The following ATXN10 variants were observed in gnomAD, a reference collection of about 807,000 sequenced individuals.
ATXN10 encodes ataxin-10.
ATXN10 carries 28 observed loss-of-function variants against 52.9 expected under a neutral mutation model. The ratio of observed to expected loss-of-function variants is 0.53; its 90% confidence interval spans 0.39 to 0.73. The LOEUF (loss-of-function observed/expected upper bound fraction) is 0.73. Among genes scored for constraint, ATXN10 ranks in the 30% least tolerant of loss-of-function variants. The probability of loss-of-function intolerance (pLI) is 0.00; values close to 1 mark genes in which losing one functional copy is unlikely to be tolerated. For missense variants in ATXN10, 565 were observed against 577.0 expected (o/e 0.98, Z 0.21); for synonymous variants, 226 against 221.5 (o/e 1.02, Z -0.18).
intron 10 of ATXN10, among the ~76,000 whole-genome samples, chr22:45,810,289 A>G (rs1928238969): frequency 6.6e-6 from 1 of 152,222 alleles, no homozygotes; most frequent in Admixed American, 6.5e-5. Context: ...CTGCATCAGT[A>G]TGATGGTCTT....
chr22:45,723,703 C>T (rs1282279522), intron 6 of ATXN10, among the ~76,000 whole-genome samples: 1 of 152,128 alleles, frequency 6.6e-6, no homozygotes, highest in Non-Finnish European at 1.5e-5. Flanking sequence ...CACCTGTAAT[C>T]CCAGCACTTT....
At chr22:45,813,807 A>G (rs1426466018) in intron 10 of ATXN10, among the ~76,000 whole-genome samples, 1 of 152,218 alleles carries the variant, frequency 6.6e-6, no homozygotes, top group Admixed American at 6.5e-5. Flanking sequence ...CAAATATCCT[A>G]TGTAGCTATT....
At chr22:45,707,151 A>T (rs1924074378) in intron 5 of ATXN10, among the ~76,000 whole-genome samples, 1 of 152,092 alleles carries the variant, frequency 6.6e-6, no homozygotes, top group Non-Finnish European at 1.5e-5. Flanking sequence ...CCTGTTTTTT[A>T]AAAAATCTAT....
intron 10 of ATXN10, among the ~76,000 whole-genome samples, chr22:45,834,986 A>G (rs1230608698): frequency 6.6e-6 from 1 of 152,174 alleles, no homozygotes; most frequent in Non-Finnish European, 1.5e-5. Context: ...CCTGTGTGTG[A>G]TGGGGCTGCC....
rs1929136852 is a variant in ATXN10 at position 45,835,482 on chromosome 22, G to A, written c.1238-7509G>A. Among the ~76,000 whole-genome samples, 1 of 152,184 alleles carries A rather than the reference G, an allele frequency of 6.6e-6. No homozygotes were observed. The highest frequency in any genetic ancestry group is 2.4e-5 in the African/African-American group (1 of 41,460). ...TCTCCCCTCTCCCTTTGCAATTTAT[G>A]GAAAGTACATTGTGCCAAGCAAGGA... On this transcript the variant is annotated intron_variant, in intron 10 of 11. Transcript: ENST00000252934. This position sits in a 1 kb window ranked among gnomAD's most constrained non-coding sequence, Gnocchi z 5.0.
chr22:45,807,662 A>G (rs1053579586), intron 10 of ATXN10, among the ~76,000 whole-genome samples: 5 of 152,184 alleles, frequency 3.3e-5, no homozygotes, highest in Non-Finnish European at 5.9e-5. Context: ...GTACTATACA[A>G]AACTGTACAG....
chr22:45,776,818 T>C lies in ATXN10; in HGVS notation c.1174-30141T>C, dbSNP rs763752373. 2.7e-4 allele frequency among the ~76,000 whole-genome samples: 41 copies of C among 152,218 alleles called. 1 individual carries two copies. The highest frequency in any genetic ancestry group is 4.1e-4 in the South Asian group (2 of 4,830). On this transcript the variant is annotated intron_variant, in intron 9 of 11. Coordinates refer to ENST00000252934, the MANE Select transcript of ATXN10 (RefSeq NM_013236.4). ...TGCTGCTGCCAGTTTTTTTAAGCAT[T>C]GGTATTCTAATTAAATTATGTTTTT...
chr22:45,814,934 A>G (rs1327711730), intron 10 of ATXN10, among the ~76,000 whole-genome samples: 1 of 152,216 alleles, frequency 6.6e-6, no homozygotes, highest in African/African-American at 2.4e-5. Context: ...GAACAGTTTC[A>G]TCTGAAACCA....
chr22:45,756,166 G>C (rs1416079800), intron 9 of ATXN10, among the ~76,000 whole-genome samples: 1 of 151,842 alleles, frequency 6.6e-6, no homozygotes, highest in East Asian at 1.9e-4. Context: ...TTTTTAAAGA[G>C]ACAAGGTTGT....
chr22:45,742,028 A>G (rs576221316), intron 9 of ATXN10, among the ~76,000 whole-genome samples: 1 of 152,220 alleles, frequency 6.6e-6, no homozygotes, highest in South Asian at 2.1e-4. Flanking sequence ...TCTGGGTGTC[A>G]GCTACCTAAA....
rs1239502133 is a variant in ATXN10 at position 45,818,557 on chromosome 22, T to C, written c.1237+11535T>C. Among the ~76,000 whole-genome samples the C allele has an allele frequency of 6.6e-6, 1 of 152,162 alleles. No individual in the cohort carries two copies. On this transcript the variant is annotated intron_variant, in intron 10 of 11. Coordinates refer to ENST00000252934, the MANE Select transcript of ATXN10 (RefSeq NM_013236.4). This position sits in a 1 kb window ranked among gnomAD's most constrained non-coding sequence, Gnocchi z 4.6. ...CAGTGTGAGCCATGTGGGCGGTCCT[T>C]TTTGGTTTGAAGGTGACCACCCTCG...
chr22:45,725,392 A>C (rs1277476800), intron 6 of ATXN10, among the ~76,000 whole-genome samples: 1 of 145,302 alleles, frequency 6.9e-6, no homozygotes, highest in Non-Finnish European at 1.5e-5. Flanking sequence ...ATATATTTCC[A>C]GGCATTTGAT....
chr22:45,791,642 GTAT>G (rs1349098576), intron 9 of ATXN10, among the ~76,000 whole-genome samples: 1 of 152,148 alleles, frequency 6.6e-6, no homozygotes, highest in African/African-American at 2.4e-5. Context: ...TGAACATGAT[GTAT>G]TATTGTAGCA....
rs1361745219 is a variant in ATXN10, at chr22:45,718,586, G to A, written c.728+93G>A. On this transcript the variant is annotated intron_variant, in intron 6 of 11. Coordinates refer to ENST00000252934, the MANE Select transcript of ATXN10 (RefSeq NM_013236.4). This position sits in a 1 kb window ranked among gnomAD's most constrained non-coding sequence, Gnocchi z 4.4. ...GAAAAGCTGTGTGGTTTCTGAGTTG[G>A]CACAGAATCTCTAAATACATGTTTC... 2 of 1,121,640 alleles carry A rather than the reference G, an allele frequency of 1.8e-6. No individual in the cohort carries two copies. Among genetic ancestry groups the A allele is most frequent in the South Asian group, 2.5e-5 (2 of 80,840 alleles). The allele number at this position is 1,121,640 out of a possible 1,614,324, so 69.5% of individuals were successfully genotyped here.
chr22:45,756,238 G>A (rs1013726970), intron 9 of ATXN10, among the ~76,000 whole-genome samples: 1 of 152,024 alleles, frequency 6.6e-6, no homozygotes, highest in African/African-American at 2.4e-5. Context: ...TTAAACTCCT[G>A]GGCTCAAGGG....
At chr22:45,694,235 CT>C (rs1244205767) in intron 3 of ATXN10, among the ~76,000 whole-genome samples, 3 of 151,872 alleles carry the variant, frequency 2.0e-5, no homozygotes, top group Non-Finnish European at 4.4e-5. Flanking sequence ...AACATCTTTC[CT>C]TTGGACAGTG....
intron 1 of ATXN10, chr22:45,676,556 T>G (rs1436366109): frequency 6.6e-6 from 1 of 152,018 alleles, no homozygotes; most frequent in East Asian, 1.9e-4. Context: ...CTTGGCTCAC[T>G]GCAACCTTCG....
chr22:45,785,758 C>T (rs1453810751), intron 9 of ATXN10, among the ~76,000 whole-genome samples: 2 of 152,282 alleles, frequency 1.3e-5, no homozygotes, highest in East Asian at 1.9e-4. Context: ...GAGGAAGCCG[C>T]GAGGCTGAGA....
chr22:45,732,856 T>C lies in ATXN10; in HGVS notation c.894+3266T>C, dbSNP rs1211607937. Reference sequence around the variant, plus strand: ...ACTGCATTTACTCATTGGTGATCTTTTTAGGACAAGATAGATATTCAGTAA... The same window carrying C: ...ACTGCATTTACTCATTGGTGATCTTCTTAGGACAAGATAGATATTCAGTAA... On this transcript the variant is annotated intron_variant, in intron 7 of 11. Transcript: ENST00000252934. This position sits in a 1 kb window ranked among gnomAD's most constrained non-coding sequence, Gnocchi z 4.5. 1.3e-5 allele frequency among the ~76,000 whole-genome samples: 2 copies of C among 152,194 alleles called. No individual in the cohort carries two copies. Among genetic ancestry groups the C allele is most frequent in the Non-Finnish European group, 2.9e-5 (2 of 68,028 alleles).
Sources: gnomAD v4.1 joint callset for allele counts (sites outside exome capture counted in the v4.1 genomes callset) on GRCh38, gnomAD v4.1.1 for gene constraint, Gnocchi (gnomAD v3.1) non-coding constraint, MANE v1.5 for transcripts, NCBI Gene and HGNC (gene_info 2026-07-23, HGNC 2026-07-21) for gene names.